ADARB2: variants seen among roughly 807,000 people sequenced by gnomAD.
The protein encoded by ADARB2 is inactive double-stranded RNA-specific editase B2.
In ADARB2, 25 loss-of-function variants were observed where a neutral mutation model predicts 62.2. The observed-to-expected ratio is 0.40, with a 90% CI of 0.29 to 0.56. ADARB2 has a LOEUF of 0.56. ADARB2 is among the 20% of genes least tolerant of loss of function. ADARB2 has a pLI of 0.43. For missense variants in ADARB2, 1,071 were observed against 1,077.4 expected, an observed-to-expected ratio of 0.99 and a Z score of 0.08; for synonymous variants, 572 against 500.8, an observed-to-expected ratio of 1.14 and a Z score of -1.90.
chr10:1,325,418 G>A (rs181925486), intron 3 of ADARB2, among the ~76,000 whole-genome samples: 81 of 152,248 alleles, frequency 5.3e-4, no homozygotes, highest in Non-Finnish European at 8.8e-4. Flanking sequence ...ATATCCTCAC[G>A]TTCCAGCAGC....
intron 5 of ADARB2, among the ~76,000 whole-genome samples, chr10:1,241,043 G>T (rs1830915667): frequency 6.6e-6 from 1 of 152,114 alleles, no homozygotes; most frequent in Non-Finnish European, 1.5e-5. Flanking sequence ...GGCCGAGATA[G>T]GGTGACCACT....
At chr10:1,486,826 A>G (rs1831549146) in intron 1 of ADARB2, among the ~76,000 whole-genome samples, 1 of 152,190 alleles carries the variant, frequency 6.6e-6, no homozygotes, top group Non-Finnish European at 1.5e-5. Context: ...ATCTCGATTT[A>G]CTGGTGTAAG....
chr10:1,346,015 G>A (rs1832077355), intron 3 of ADARB2, among the ~76,000 whole-genome samples: 2 of 152,130 alleles, frequency 1.3e-5, no homozygotes, highest in African/African-American at 4.8e-5. Flanking sequence ...CCACCACTGT[G>A]TGTATTATCA....
intron 1 of ADARB2, among the ~76,000 whole-genome samples, chr10:1,483,082 A>G (rs954072391): frequency 6.6e-6 from 1 of 152,130 alleles, no homozygotes; most frequent in African/African-American, 2.4e-5. Flanking sequence ...ACTGAGTTCA[A>G]TGTTCCTGTA....
intron 1 of ADARB2, among the ~76,000 whole-genome samples, chr10:1,478,858 G>T (rs1389523955): frequency 6.6e-6 from 1 of 151,832 alleles, no homozygotes; most frequent in African/African-American, 2.4e-5. Context: ...CGACAGGAGT[G>T]CCAAAATAAG....
At chr10:1,203,527 C>T (rs1263267797) in intron 7 of ADARB2, among the ~76,000 whole-genome samples, 2 of 152,222 alleles carry the variant, frequency 1.3e-5, no homozygotes, top group Non-Finnish European at 2.9e-5. Context: ...CCCGTCCCGG[C>T]GTCTGCAGCT....
intron 1 of ADARB2, among the ~76,000 whole-genome samples, chr10:1,682,739 G>A (rs2119118424): frequency 6.6e-6 from 1 of 152,302 alleles, no homozygotes; most frequent in South Asian, 2.1e-4. Context: ...TCCTGGGAAG[G>A]GGTTGAGAAC....
chr10:1,572,847 CA>C (rs1832959083), intron 1 of ADARB2, among the ~76,000 whole-genome samples: 1 of 152,206 alleles, frequency 6.6e-6, no homozygotes, highest in Admixed American at 6.5e-5. Context: ...TCTGGGCCCC[CA>C]AATGCTCCTA....
intron 1 of ADARB2, among the ~76,000 whole-genome samples, chr10:1,698,282 T>C (rs1564198063): frequency 6.6e-6 from 1 of 152,170 alleles, no homozygotes; most frequent in African/African-American, 2.4e-5. Context: ...CATTAGCAGG[T>C]GCGGGACACG....
intron 1 of ADARB2, among the ~76,000 whole-genome samples, chr10:1,651,156 T>G (rs1834104681): frequency 1.3e-5 from 2 of 152,184 alleles, no homozygotes; most frequent in Admixed American, 6.5e-5. Flanking sequence ...CCTGCCAATA[T>G]CAGAGCAGGG....
intron 1 of ADARB2, among the ~76,000 whole-genome samples, chr10:1,573,744 C>T (rs1832971417): frequency 6.6e-6 from 1 of 152,156 alleles, no homozygotes; most frequent in African/African-American, 2.4e-5. Context: ...CGGTGCTCTA[C>T]CCAGCCCCTC....
chr10:1,561,420 A>T (rs1365929630), intron 1 of ADARB2, among the ~76,000 whole-genome samples: 1 of 152,224 alleles, frequency 6.6e-6, no homozygotes, highest in Non-Finnish European at 1.5e-5. Flanking sequence ...TACAGCATTC[A>T]ACATATTCTT....
rs896407776 is a variant in ADARB2 at position 1,429,087 on chromosome 10, T to C, written c.101-49927A>G. 5.3e-5 allele frequency among the ~76,000 whole-genome samples: 8 copies of C among 152,292 alleles called. No individual in the cohort carries two copies. In the South Asian group the frequency reaches 1.2e-3, roughly 24 times the overall value. On this transcript the variant is annotated intron_variant, in intron 1 of 9. Transcript: ENST00000381312. ...TGGGTGGAGGGCACCAGTGTCTATA[T>C]TCTGGTTGTGATGGTGTGCTCTAGT...
intron 1 of ADARB2, among the ~76,000 whole-genome samples, chr10:1,562,146 C>T (rs1588303643): frequency 6.6e-6 from 1 of 151,284 alleles, no homozygotes; most frequent in Non-Finnish European, 1.5e-5. Context: ...CTGCCTGGAG[C>T]AGCCCCTCTC....
rs772892358 is a variant in ADARB2, at chr10:1,298,507, T to C, written c.1078-27438A>G. ...CGCTTAAAACCTAGGCAGGATGGTA[T>C]GCACAAAATTCACCTTGAGGGAGCC... On this transcript the variant is annotated intron_variant, in intron 3 of 9. Coordinates refer to ENST00000381312, the MANE Select transcript of ADARB2 (RefSeq NM_018702.4). Among the ~76,000 whole-genome samples the C allele has an allele frequency of 1.8e-4, 27 of 152,132 alleles. 1 individual carries two copies. The highest frequency in any genetic ancestry group is 6.2e-4 in the South Asian group (3 of 4,822).
At chr10:1,581,749 C>T (rs924081151) in intron 1 of ADARB2, among the ~76,000 whole-genome samples, 6 of 152,102 alleles carry the variant, frequency 3.9e-5, no homozygotes, top group Non-Finnish European at 8.8e-5. Context: ...CTCAGAGTCA[C>T]CTGCACATAC....
intron 3 of ADARB2, chr10:1,292,294 T>C (rs139905871): frequency 1.3e-5 from 2 of 152,326 alleles, no homozygotes; most frequent in African/African-American, 4.8e-5. Flanking sequence ...CCAGGGAGCA[T>C]TGAAACAGAG....
At chr10:1,715,801 T>TA (rs1233310446) in intron 1 of ADARB2, among the ~76,000 whole-genome samples, 1 of 152,232 alleles carries the variant, frequency 6.6e-6, no homozygotes, top group East Asian at 1.9e-4. Context: ...AGAGCTGCCT[T>TA]GCAGCACAGT....
At chr10:1,305,958 C>A (rs1339584567) in intron 3 of ADARB2, among the ~76,000 whole-genome samples, 4 of 152,026 alleles carry the variant, frequency 2.6e-5, no homozygotes, top group Non-Finnish European at 5.9e-5. Flanking sequence ...ACTGAATGGG[C>A]AAAAACTGGA....
Sources: allele counts gnomAD v4.1 joint callset (sites outside exome capture counted in the v4.1 genomes callset), GRCh38; gene constraint gnomAD v4.1.1; transcripts MANE v1.5; gene names NCBI Gene and HGNC (gene_info 2026-07-23, HGNC 2026-07-21).